SIL1: variants seen among roughly 807,000 people sequenced by gnomAD.
SIL1 encodes the protein nucleotide exchange factor SIL1.
A neutral mutation model predicts 49.1 loss-of-function variants in SIL1; 40 were observed. That is an observed-to-expected ratio of 0.81 (90% confidence interval 0.63 to 1.06). The LOEUF is 1.06. Among genes scored for constraint, SIL1 ranks in the 50% least tolerant of loss-of-function variants. The pLI is 0.00. For synonymous variants in SIL1, 253 were observed against 250.8 expected (o/e 1.01, Z -0.08); for missense variants, 500 against 572.6 (o/e 0.87, Z 1.29).
intron 6 of SIL1, among the ~76,000 whole-genome samples, chr5:139,022,832 C>A (rs992533684): frequency 2.6e-5 from 4 of 152,252 alleles, no homozygotes; most frequent in Non-Finnish European, 5.9e-5. Context: ...GCTTTGCTGA[C>A]ATAAGCACCT....
chr5:139,196,098 G>C (rs1449835862), intron 1 of SIL1, among the ~76,000 whole-genome samples: 1 of 152,144 alleles, frequency 6.6e-6, no homozygotes, highest in Non-Finnish European at 1.5e-5. Flanking sequence ...GCTTTAGTGA[G>C]AGTATTACTT....
chr5:138,951,004 T>C (rs1361088167), intron 9 of SIL1, among the ~76,000 whole-genome samples, 167 bp downstream of exon 9: 2 of 152,122 alleles, frequency 1.3e-5, no homozygotes, highest in African/African-American at 4.8e-5. Flanking sequence ...TCACATGACA[T>C]ACTCCCTGAC....
intron 2 of SIL1, among the ~76,000 whole-genome samples, chr5:139,125,003 G>A (rs1411635670): frequency 6.6e-6 from 1 of 152,236 alleles, no homozygotes; most frequent in Non-Finnish European, 1.5e-5. Context: ...TGAGAGCTGA[G>A]GGAATGACGC....
At chr5:139,191,221 C>CAAAA (rs773259762) in intron 1 of SIL1, among the ~76,000 whole-genome samples, 7 of 67,898 alleles carry the variant, frequency 1.0e-4, no homozygotes, top group East Asian at 6.3e-4. Flanking sequence ...GACTCTGTCT[C>CAAAA]AAAAAAAAAA....
At chr5:139,165,726 C>A (rs1490510397) in intron 1 of SIL1, among the ~76,000 whole-genome samples, 2 of 152,042 alleles carry the variant, frequency 1.3e-5, no homozygotes, top group East Asian at 3.9e-4. Flanking sequence ...GACACGATCT[C>A]GGTTTACTGC....
intron 1 of SIL1, chr5:139,155,401 T>C (rs1751385362): frequency 6.8e-6 from 1 of 147,752 alleles, no homozygotes; most frequent in Non-Finnish European, 1.5e-5. Flanking sequence ...CCTCTTGCCA[T>C]GTCTTCACAT....
intron 3 of SIL1, among the ~76,000 whole-genome samples, chr5:139,074,606 T>G (rs1319617530): frequency 6.6e-6 from 1 of 152,140 alleles, no homozygotes; most frequent in Non-Finnish European, 1.5e-5. Flanking sequence ...CCACATGACC[T>G]TGAACAGAGC....
rs564079922 is a variant in SIL1, at chr5:139,066,191, T to C, written c.245-15145A>G. ...CTGCTGCCCTCCGAAGTACCAATAATACTATCTCATGGTGTTCAAGGCCTG... is the reference window on the plus strand; with the variant it reads ...CTGCTGCCCTCCGAAGTACCAATAACACTATCTCATGGTGTTCAAGGCCTG... On this transcript the variant is annotated intron_variant, in intron 3 of 9. Coordinates refer to ENST00000394817, the MANE Select transcript of SIL1 (RefSeq NM_022464.5). Among the ~76,000 whole-genome samples the C allele has an allele frequency of 3.9e-5, 6 of 152,222 alleles. No individual in the cohort carries two copies. The East Asian group carries it at 1.2e-3, about 29-fold the overall frequency.
intron 1 of SIL1, among the ~76,000 whole-genome samples, chr5:139,176,954 A>T (rs1751896644): frequency 9.1e-6 from 1 of 109,468 alleles, no homozygotes; most frequent in South Asian, 3.3e-4. Context: ...TTTTTTTGAG[A>T]CAGAGTCTCA....
chr5:139,063,086 G>A (rs908470602), intron 3 of SIL1, among the ~76,000 whole-genome samples: 2 of 152,202 alleles, frequency 1.3e-5, no homozygotes, highest in Non-Finnish European at 2.9e-5. Flanking sequence ...CAAGAAGCAG[G>A]GAGGCCACTT....
chr5:138,959,630 G>A (rs761937359), intron 7 of SIL1, among the ~76,000 whole-genome samples: 1 of 152,140 alleles, frequency 6.6e-6, no homozygotes, highest in Non-Finnish European at 1.5e-5. Flanking sequence ...GTGGCCTCAC[G>A]GGATTCTGCA....
rs201294202 is a variant in SIL1 at position 139,143,300 on chromosome 5, CAT to C, written c.-10-15449_-10-15448del. On this transcript the variant is annotated intron_variant, in intron 1 of 9. Coordinates refer to ENST00000394817, the MANE Select transcript of SIL1 (RefSeq NM_022464.5). ...ATATGTATATACACATGTGTATATA[CAT>C]ATATACACACACACACACACACACA... Among the ~76,000 whole-genome samples the C allele has an allele frequency of 5.1e-3, 387 of 76,060 alleles. 7 individuals are homozygous for C. The highest frequency in any genetic ancestry group is 0.048 in the East Asian group (182 of 3,828). The allele number at this position is 76,060 out of a possible 152,430, so 49.9% of individuals were successfully genotyped here. A position where few individuals can be genotyped will look rare whatever the true frequency, so the allele number is the denominator to read the frequency against.
intron 3 of SIL1, among the ~76,000 whole-genome samples, chr5:139,090,150 A>T (rs141802989): frequency 7.4e-4 from 113 of 152,210 alleles, no homozygotes; most frequent in African/African-American, 2.3e-3. Context: ...ACAACCACTG[A>T]TGCTTCTCAC....
intron 1 of SIL1, among the ~76,000 whole-genome samples, chr5:139,162,398 T>A (rs1162416931): frequency 5.3e-5 from 8 of 152,226 alleles, no homozygotes; most frequent in Non-Finnish European, 1.2e-4. Context: ...TCACTAAAGC[T>A]TGCTTCCTTA....
intron 3 of SIL1, among the ~76,000 whole-genome samples, chr5:139,086,846 G>A (rs955050452): frequency 3.3e-5 from 5 of 151,840 alleles, no homozygotes; most frequent in Non-Finnish European, 5.9e-5. Flanking sequence ...TGTAATCCCA[G>A]CTACTTGGGA....
At chr5:139,057,530 G>A (rs1187260606) in intron 3 of SIL1, among the ~76,000 whole-genome samples, 2 of 152,000 alleles carry the variant, frequency 1.3e-5, no homozygotes, top group African/African-American at 4.8e-5. Flanking sequence ...CAGAGCAGGT[G>A]GAGGCAGAAG....
chr5:138,989,462 T>G (rs935799050), intron 7 of SIL1, among the ~76,000 whole-genome samples: 1 of 152,022 alleles, frequency 6.6e-6, no homozygotes, highest in African/African-American at 2.4e-5. Context: ...ACCATCAAGA[T>G]TAGCCATGGC....
At chr5:139,024,522 T>C (rs1175244981) in intron 6 of SIL1, among the ~76,000 whole-genome samples, 2 of 152,258 alleles carry the variant, frequency 1.3e-5, no homozygotes, top group Non-Finnish European at 2.9e-5. Context: ...AGCATGTCTT[T>C]TAGCCCAGTT....
At chr5:138,980,926 C>G (rs534557425) in intron 7 of SIL1, among the ~76,000 whole-genome samples, 1 of 152,174 alleles carries the variant, frequency 6.6e-6, no homozygotes, top group African/African-American at 2.4e-5. Flanking sequence ...CACCCTGGGC[C>G]AGGTATGGTG....
Sources: gnomAD v4.1 joint callset for allele counts (sites outside exome capture counted in the v4.1 genomes callset) on GRCh38, gnomAD v4.1.1 for gene constraint, MANE v1.5 for transcripts, NCBI Gene and HGNC (gene_info 2026-07-23, HGNC 2026-07-21) for gene names.